EPHA4: variants seen among roughly 807,000 people sequenced by gnomAD.
The protein encoded by EPHA4 is EPH receptor A4.
In EPHA4, 19 loss-of-function variants were observed where a neutral mutation model predicts 108.3. That is an observed-to-expected ratio of 0.18 (90% CI 0.12 to 0.26). EPHA4 has a LOEUF of 0.26. Ranked by LOEUF, EPHA4 falls within the 10% of genes least tolerant of loss-of-function variation. EPHA4 has a pLI of 1.00. For synonymous variants in EPHA4, 449 were observed against 455.5 expected (o/e 0.99, Z 0.18); for missense variants, 917 against 1,254.0 (o/e 0.73, Z 4.06).
intron 3 of EPHA4, among the ~76,000 whole-genome samples, chr2:221,527,646 T>TC (rs796822053): frequency 6.6e-6 from 1 of 152,234 alleles, no homozygotes; most frequent in South Asian, 2.1e-4. Flanking sequence ...TGTCTGTGCT[T>TC]CCTCAGGGCC....
rs9758 is a variant in EPHA4 at position 221,418,280 on chromosome 2, A to T, written c.*3092T>A. 77,099 of 152,498 alleles carry T rather than the reference A, an allele frequency of 0.51. 20,470 individuals carry two copies. Among genetic ancestry groups the T allele is most frequent in the African/African-American group, 0.66 (27,549 of 41,488 alleles). 9.4% of individuals were successfully genotyped at this position (152,498 alleles called of 1,614,324 possible). The stretch of plus-strand genomic sequence containing the variant: ...CCGAACAATGTTCTGTTAATTTCTT[A>T]TTCAGTATGAACTAAATTATAATAT... On this transcript the variant is annotated 3_prime_UTR_variant, in exon 18 of 18. Transcript: ENST00000281821.
chr2:221,456,167 G>A (rs1438836853), intron 7 of EPHA4, among the ~76,000 whole-genome samples: 1 of 146,444 alleles, frequency 6.8e-6, no homozygotes, highest in African/African-American at 2.5e-5. Flanking sequence ...TGTCCAAAGG[G>A]TCTTTAAAAA....
At chr2:221,548,929 C>A (rs1694082503) in intron 3 of EPHA4, among the ~76,000 whole-genome samples, 1 of 152,048 alleles carries the variant, frequency 6.6e-6, no homozygotes, top group South Asian at 2.1e-4. Flanking sequence ...AGGACGACAC[C>A]AGGATTTACC....
At chr2:221,423,491 A>G (rs1427049214) in intron 17 of EPHA4, among the ~76,000 whole-genome samples, 1 of 152,186 alleles carries the variant, frequency 6.6e-6, no homozygotes, top group Non-Finnish European at 1.5e-5. Flanking sequence ...CCTTTGCATC[A>G]GCCTTGACTC....
At chr2:221,520,707 C>CA (rs1441189325) in intron 3 of EPHA4, among the ~76,000 whole-genome samples, 3 of 152,138 alleles carry the variant, frequency 2.0e-5, no homozygotes, top group African/African-American at 7.2e-5. Context: ...TCTCTTCCCC[C>CA]ACATCCTATT....
At chr2:221,441,629 CA>C (rs1690432105) in intron 11 of EPHA4, among the ~76,000 whole-genome samples, 1 of 152,142 alleles carries the variant, frequency 6.6e-6, no homozygotes, top group Non-Finnish European at 1.5e-5. Flanking sequence ...AACACTTAGC[CA>C]TCCGTGGATG....
intron 3 of EPHA4, among the ~76,000 whole-genome samples, chr2:221,562,199 C>A: frequency 6.9e-6 from 1 of 145,048 alleles, no homozygotes; most frequent in South Asian, 2.2e-4. Flanking sequence ...TTTAAATTTA[C>A]ACATTTCCTT....
In EPHA4 at chr2:221,421,580, C is replaced by T. The variant is rs552462290; in HGVS notation, c.*820-1028G>A. 3.9e-5 allele frequency among the ~76,000 whole-genome samples: 6 copies of T among 152,312 alleles called. No individual in the cohort carries two copies. The East Asian group carries it at 7.8e-4, about 20-fold the overall frequency. ...GGAATTCTAGACATCAGCCTGGAAT[C>T]GAACAAGGCTGGCACACAGCAATGG... On this transcript the variant is annotated intron_variant, in intron 17 of 17. Coordinates refer to ENST00000281821, the MANE Select transcript of EPHA4 (RefSeq NM_004438.5).
At chr2:221,466,690 AT>A (rs1202197913) in intron 5 of EPHA4, among the ~76,000 whole-genome samples, 1 of 152,216 alleles carries the variant, frequency 6.6e-6, no homozygotes, top group African/African-American at 2.4e-5. Context: ...GACTTAATTC[AT>A]GTAAACCTCA....
chr2:221,445,496 G>A (rs1178995002), intron 9 of EPHA4, among the ~76,000 whole-genome samples: 1 of 151,476 alleles, frequency 6.6e-6, no homozygotes, highest in East Asian at 1.9e-4. Flanking sequence ...AGGCTGAGGT[G>A]GGAGAATGGT....
Position 221,571,631 on chromosome 2 carries a change from C to A in EPHA4, c.91+527G>T, listed in dbSNP as rs1033776324. On this transcript the variant is annotated intron_variant, in intron 1 of 17. Transcript: ENST00000281821. The surrounding 1 kb of genome is among the most constrained non-coding windows in gnomAD (Gnocchi z 6.3). The stretch of plus-strand genomic sequence containing the variant: ...TAGAAATCAGGTCACTGGCGCCTGA[C>A]GAGCGGCGCCACGACCGCTGCGCTG... Among the ~76,000 whole-genome samples, 1 of 152,142 alleles carries A rather than the reference C, an allele frequency of 6.6e-6. No homozygotes were observed. Among genetic ancestry groups the A allele is most frequent in the African/African-American group, 2.4e-5 (1 of 41,450 alleles).
intron 3 of EPHA4, among the ~76,000 whole-genome samples, chr2:221,528,286 G>A (rs1693404429): frequency 6.6e-6 from 1 of 152,128 alleles, no homozygotes; most frequent in African/African-American, 2.4e-5. Flanking sequence ...GCATAAAATA[G>A]CAAATACTAG....
chr2:221,430,266 G>A (rs1690033867), intron 14 of EPHA4, 115 bp from the exon 15 acceptor site: 1 of 1,056,832 alleles, frequency 9.5e-7, no homozygotes, highest in Non-Finnish European at 1.4e-6. Flanking sequence ...TGGAGCCTGG[G>A]AACAGCTCCA....
chr2:221,522,590 C>T (rs1013270797), intron 3 of EPHA4, among the ~76,000 whole-genome samples: 2 of 152,136 alleles, frequency 1.3e-5, no homozygotes, highest in African/African-American at 4.8e-5. Flanking sequence ...CACTCTCACC[C>T]CAAAATGTGT....
chr2:221,559,454 T>C (rs1485769208), intron 3 of EPHA4, among the ~76,000 whole-genome samples: 1 of 152,136 alleles, frequency 6.6e-6, no homozygotes, highest in Non-Finnish European at 1.5e-5. Context: ...CTCACACCTG[T>C]AATCCCAGCA....
At position 221,537,981 on chromosome 2, in the gene EPHA4, C is replaced by G. The variant is rs190274995; in HGVS notation, c.823+25750G>C. 3.9e-5 allele frequency among the ~76,000 whole-genome samples: 6 copies of G among 152,240 alleles called. No individual in the cohort carries two copies. The East Asian group carries it at 1.2e-3, about 29-fold the overall frequency. On this transcript the variant is annotated intron_variant, in intron 3 of 17. Transcript: ENST00000281821. ...TTCAAGGATTCATTTGCATGAAAGT[C>G]TCTGTATTTGTTTGCTAAAAAAAAA... is the stretch of plus-strand genomic sequence containing the variant.
intron 4 of EPHA4, among the ~76,000 whole-genome samples, chr2:221,496,501 C>G (rs1056962084): frequency 6.6e-6 from 1 of 152,156 alleles, no homozygotes. Context: ...GCCTGACTTA[C>G]GACTATATCT....
rs570310855 is a variant in EPHA4 at position 221,514,947 on chromosome 2, T to C, written c.824-13775A>G. Among the ~76,000 whole-genome samples the C allele has an allele frequency of 2.4e-4, 37 of 152,162 alleles. 1 individual carries two copies. Among genetic ancestry groups the C allele is most frequent in the African/African-American group, 6.0e-4 (25 of 41,434 alleles). ...TATTATCAAATACAAAAGAACAGCA[T>C]GTCACTAACAACCTAAATTTATCTC... On this transcript the variant is annotated intron_variant, in intron 3 of 17. Transcript: ENST00000281821.
At chr2:221,566,629 GA>G (rs912054242) in intron 2 of EPHA4, among the ~76,000 whole-genome samples, 10 of 149,192 alleles carry the variant, frequency 6.7e-5, no homozygotes, top group African/African-American at 1.5e-4. Context: ...TTAAGGAAAA[GA>G]AAAAAAAACC....
Sources: gnomAD v4.1 joint callset for allele counts (sites outside exome capture counted in the v4.1 genomes callset) on GRCh38, gnomAD v4.1.1 for gene constraint, Gnocchi (gnomAD v3.1) non-coding constraint, MANE v1.5 for transcripts, NCBI Gene and HGNC (gene_info 2026-07-23, HGNC 2026-07-21) for gene names.